The following TET1 variants were observed in gnomAD, a reference collection of about 807,000 sequenced individuals.
TET1 encodes tet methylcytosine dioxygenase 1.
In TET1, 13 loss-of-function variants were observed where a neutral mutation model predicts 148.7. The ratio of observed to expected loss-of-function variants is 0.09; its 90% CI spans 0.06 to 0.14. TET1 has a LOEUF of 0.14. Among genes scored for constraint, TET1 ranks in the 10% least tolerant of loss-of-function variants. TET1 has a pLI of 1.00. For missense variants in TET1, 2,182 were observed against 2,553.8 expected, an observed-to-expected ratio of 0.85 and a Z score of 3.14; for synonymous variants, 907 against 937.2, an observed-to-expected ratio of 0.97 and a Z score of 0.59.
At chr10:68,593,031 C>A (rs1401162480) in intron 2 of TET1, among the ~76,000 whole-genome samples, 1 of 151,780 alleles carries the variant, frequency 6.6e-6, no homozygotes, top group Non-Finnish European at 1.5e-5. Context: ...GTCAAGAGAT[C>A]GAGACCATCC....
chr10:68,660,977 A>C (rs1351273820), intron 6 of TET1, among the ~76,000 whole-genome samples: 1 of 149,580 alleles, frequency 6.7e-6, no homozygotes, highest in East Asian at 2.0e-4. Context: ...TAAACCTTAA[A>C]ATTTTTTTTA....
At chr10:68,634,210 G>A (rs1212605847) in intron 3 of TET1, among the ~76,000 whole-genome samples, 1 of 152,144 alleles carries the variant, frequency 6.6e-6, no homozygotes, top group African/African-American at 2.4e-5. Context: ...TCTAAATTGA[G>A]TTCTAAATTT....
Position 68,646,368 on chromosome 10 carries a change from T to G in TET1, c.3639T>G (p.Ile1213Met). The G allele has an allele frequency of 6.2e-7, 1 of 1,614,118 alleles. No homozygotes were observed. Among genetic ancestry groups the G allele is most frequent in the South Asian group, 1.1e-5 (1 of 91,072 alleles). Residue 1213 changes from isoleucine (I) to methionine (M), a missense_variant, in exon 4 of 12, where the codon ATT becomes ATG. Coordinates refer to ENST00000373644, the MANE Select transcript of TET1 (RefSeq NM_030625.3). ...ATTTTCCTACTGTATTTGGGAAAATTTCTTCCTCGACCAAAATATGGAAAC... is the reference window on the plus strand; with the variant it reads ...ATTTTCCTACTGTATTTGGGAAAATGTCTTCCTCGACCAAAATATGGAAAC... ...PHDFPTVFGK[I>M]SSSTKIWKPL...
At chr10:68,621,975 C>T (rs2054377513) in intron 3 of TET1, among the ~76,000 whole-genome samples, 1 of 152,018 alleles carries the variant, frequency 6.6e-6, no homozygotes, top group South Asian at 2.1e-4. Flanking sequence ...AAAAGTAGTA[C>T]AAAGAATTCT....
rs1376922274 is a variant in TET1, at chr10:68,645,837, T to C, written c.3108T>C (p.His1036=). Residue 1036 remains histidine, a synonymous_variant, in exon 4 of 12, where the codon CAT becomes CAC. Coordinates refer to ENST00000373644, the MANE Select transcript of TET1 (RefSeq NM_030625.3). ...TTGACAATTGTTCCAATGATTTGCA[T>C]CAGTTGCCACCAAGAAATAATGAAG... ...ITLDNCSNDL[H]QLPPRNNEVE... The C allele has an allele frequency of 6.2e-7, 1 of 1,614,156 alleles. No individual in the cohort carries two copies. The highest frequency in any genetic ancestry group is 8.5e-7 in the Non-Finnish European group (1 of 1,180,018).
intron 2 of TET1, among the ~76,000 whole-genome samples, chr10:68,586,737 A>G (rs960690224): frequency 2.0e-5 from 3 of 151,858 alleles, no homozygotes; most frequent in Admixed American, 6.6e-5. Flanking sequence ...GTTATTTCCT[A>G]TATGGTAAAC....
chr10:68,690,755 A>AC, intron 11 of TET1, 53 bp from the exon 12 acceptor site: 1 of 1,505,382 alleles, frequency 6.6e-7, no homozygotes, highest in Non-Finnish European at 8.9e-7. Context: ...TTAAAAGGCA[A>AC]CCCCTACCAA....
At chr10:68,647,736 G>A (rs563623689) in intron 4 of TET1, among the ~76,000 whole-genome samples, 10 of 152,240 alleles carry the variant, frequency 6.6e-5, no homozygotes, top group African/African-American at 1.9e-4. Context: ...TACATATAGA[G>A]AATGTAAAAC....
At chr10:68,599,813 G>A (rs1032875106) in intron 2 of TET1, among the ~76,000 whole-genome samples, 12 of 152,150 alleles carry the variant, frequency 7.9e-5, no homozygotes, top group African/African-American at 2.9e-4. Flanking sequence ...TTCTCGTAGG[G>A]GAGAAATTTT....
chr10:68,567,063 C>T (rs979397397), intron 1 of TET1, among the ~76,000 whole-genome samples: 1 of 152,112 alleles, frequency 6.6e-6, no homozygotes, highest in Non-Finnish European at 1.5e-5. Context: ...GAACTGAAAA[C>T]TGAACCCAGG....
rs1293804972 is a variant in TET1 at position 68,645,260 on chromosome 10, A to G, written c.2531A>G (p.Asn844Ser). 1.1e-5 allele frequency: 17 copies of G among 1,614,108 alleles called. No homozygotes were observed. The highest frequency in any genetic ancestry group is 1.4e-5 in the Non-Finnish European group (17 of 1,179,982). The change falls in exon 4 of 12, where the codon AAT becomes AGT. Residue 844 changes from asparagine to serine, a missense_variant. Asn to Ser is a conservative substitution (Grantham distance 46). Around this residue, in one of 11 missense-constraint regions of TET1, gnomAD observed 582 missense variants for 599.5 expected, o/e 0.97. Transcript: ENST00000373644. ...SIPHSSHSII[N>S]HHASIHNEGD... The stretch of plus-strand genomic sequence containing the variant: ...CCACATTCTTCACACTCCATCATAA[A>G]TCATCATGCTAGTATACACAATGAA...
At chr10:68,611,863 AG>A (rs2054219861) in intron 3 of TET1, among the ~76,000 whole-genome samples, 1 of 69,666 alleles carries the variant, frequency 1.4e-5, no homozygotes, top group Non-Finnish European at 3.0e-5. Context: ...GGAGAGAGGG[AG>A]AGAGAGAGAG....
intron 2 of TET1, among the ~76,000 whole-genome samples, chr10:68,593,929 T>TTTG (rs2053949251): frequency 7.8e-6 from 1 of 128,050 alleles, no homozygotes; most frequent in Non-Finnish European, 1.7e-5. Flanking sequence ...TTTTTTTTTT[T>TTTG]TTTTTTTTTT....
At chr10:68,672,593 T>C (rs10998379) in intron 7 of TET1, among the ~76,000 whole-genome samples, 44,935 of 150,490 alleles carry the variant, frequency 0.3, 7,721 homozygotes, top group Non-Finnish European at 0.4. Context: ...ACTGTGAGTA[T>C]TTTAGATCTG....
chr10:68,573,634 C>A lies in TET1; in HGVS notation c.1296C>A (p.Phe432Leu). Residue 432 changes from phenylalanine to leucine, a missense_variant, in exon 2 of 12, where the codon TTC becomes TTA. By Grantham distance (22) the Phe-to-Leu change is conservative (BLOSUM62 0). Coordinates refer to ENST00000373644, the MANE Select transcript of TET1 (RefSeq NM_030625.3). ...GTGTTGTCCCAGACTTGCCTGTCTT[C>A]CTTCCTGTTCCTCCAAATCCAATTG... ...SGSVVPDLPV[F>L]LPVPPNPIAT... 6.2e-7 allele frequency: 1 copy of A among 1,614,178 alleles called. No individual in the cohort carries two copies. The highest frequency in any genetic ancestry group is 8.5e-7 in the Non-Finnish European group (1 of 1,180,046).
At chr10:68,595,614 T>TTC (rs1318588768) in intron 2 of TET1, among the ~76,000 whole-genome samples, 1 of 116,512 alleles carries the variant, frequency 8.6e-6, no homozygotes, top group Non-Finnish European at 1.9e-5. Context: ...CACAGCTTCT[T>TTC]TTTTTTTTTT....
chr10:68,618,885 T>G (rs1405002253), intron 3 of TET1, among the ~76,000 whole-genome samples: 1 of 152,194 alleles, frequency 6.6e-6, no homozygotes, highest in Non-Finnish European at 1.5e-5. Context: ...GAGGATCACC[T>G]GAGCCCAGGA....
At chr10:68,613,327 A>T (rs1291171142) in intron 3 of TET1, among the ~76,000 whole-genome samples, 3 of 152,178 alleles carry the variant, frequency 2.0e-5, no homozygotes, top group South Asian at 2.1e-4. Flanking sequence ...TTGTAAAAAA[A>T]TCTTTTGATT....
At chr10:68,676,247 TATATATATATATATATATATA>T (rs1459573989) in intron 8 of TET1, among the ~76,000 whole-genome samples, 20 of 14,222 alleles carry the variant, frequency 1.4e-3, no homozygotes, top group Admixed American at 8.4e-3. Flanking sequence ...TATATATATA[TATATATATATATATATATATA>T]TTTTTTTTTT....
Sources: allele counts gnomAD v4.1 joint callset (sites outside exome capture counted in the v4.1 genomes callset), GRCh38; gene constraint gnomAD v4.1.1; regional missense constraint gnomAD v4.1.1; transcripts MANE v1.5; gene names NCBI Gene and HGNC (gene_info 2026-07-23, HGNC 2026-07-21).